Variants in PKIB observed in about 807,000 individuals in gnomAD.
PKIB encodes the protein cAMP-dependent protein kinase inhibitor beta, also known as PKI-beta.
PKIB carries 2 observed loss-of-function variants against 4.5 expected under a neutral mutation model. The observed-to-expected ratio is 0.44, with a 90% confidence interval of 0.18 to 1.39. The LOEUF is 1.39. Among genes scored for constraint, PKIB ranks in the 40% most tolerant of loss-of-function variants. The pLI is 0.27. For missense variants in PKIB, 94 were observed against 92.6 expected, an observed-to-expected ratio of 1.02 and a Z score of -0.06; for synonymous variants, 38 against 36.0, an observed-to-expected ratio of 1.06 and a Z score of -0.20.
intron 3 of PKIB, among the ~76,000 whole-genome samples, chr6:122,705,564 CTTTTT>C (rs142542177): frequency 2.6e-5 from 3 of 113,436 alleles, no homozygotes; most frequent in African/African-American, 3.6e-5. Context: ...GAAAGCGCAT[CTTTTT>C]TTTTTTTTTT....
chr6:122,600,534 G>A (rs1043015187), intron 3 of PKIB, among the ~76,000 whole-genome samples: 12 of 147,804 alleles, frequency 8.1e-5, no homozygotes, highest in Non-Finnish European at 1.5e-4. Context: ...GGAAAACCTC[G>A]TAATTCAAGA....
intron 2 of PKIB, among the ~76,000 whole-genome samples, chr6:122,578,513 CTTTT>C (rs1773613262): frequency 6.6e-6 from 1 of 151,956 alleles, no homozygotes; most frequent in Non-Finnish European, 1.5e-5. Context: ...CCAAAATGTT[CTTTT>C]GTCTTTTCAA....
chr6:122,605,773 C>T (rs918848537), upstream of PKIB, among the ~76,000 whole-genome samples: 1 of 152,146 alleles, frequency 6.6e-6, no homozygotes, highest in African/African-American at 2.4e-5. Flanking sequence ...GTCCCCAAGG[C>T]AGATAGCTAC....
intron 2 of PKIB, among the ~76,000 whole-genome samples, chr6:122,570,441 A>C (rs551658040): frequency 2.8e-4 from 43 of 152,344 alleles, no homozygotes; most frequent in African/African-American, 8.2e-4. Context: ...CTGGATCATC[A>C]AATCAGTAAA....
chr6:122,522,823 G>T (rs544369927), intron 2 of PKIB, among the ~76,000 whole-genome samples: 54 of 152,334 alleles, frequency 3.5e-4, no homozygotes, highest in African/African-American at 1.3e-3. Context: ...CATTGATCTC[G>T]CTGGGAGCTG....
At chr6:122,504,998 C>T (rs777827914) in intron 2 of PKIB, among the ~76,000 whole-genome samples, 1 of 152,152 alleles carries the variant, frequency 6.6e-6, no homozygotes, top group Non-Finnish European at 1.5e-5. Context: ...CTGGTTTCTA[C>T]TTGATTTATT....
chr6:122,677,884 TTCC>T, intron 3 of PKIB, among the ~76,000 whole-genome samples: 1 of 68,698 alleles, frequency 1.5e-5, no homozygotes, highest in African/African-American at 4.6e-5. Flanking sequence ...CCTTCCTTCC[TTCC>T]TTCCTTTCTT....
intron 3 of PKIB, among the ~76,000 whole-genome samples, chr6:122,597,226 C>T (rs980898952): frequency 2.6e-5 from 4 of 152,138 alleles, no homozygotes; most frequent in Non-Finnish European, 5.9e-5. Context: ...AATGGCCCAG[C>T]GCGATATCTT....
chr6:122,530,410 TAGAC>T (rs763777780), intron 2 of PKIB, among the ~76,000 whole-genome samples: 63 of 152,316 alleles, frequency 4.1e-4, no homozygotes, highest in Non-Finnish European at 5.4e-4. Flanking sequence ...AATTCATTTT[TAGAC>T]AGCTCACAGA....
At position 122,568,298 on chromosome 6, in the gene PKIB, G is replaced by A. The variant is rs117872488; in HGVS notation, c.-247-17623G>A. Among the ~76,000 whole-genome samples, 335 of 152,242 alleles carry A rather than the reference G, an allele frequency of 2.2e-3. 8 individuals are homozygous for A. The East Asian group carries it at 0.044, about 20-fold the overall frequency. ...CATAAATTTTTTTCCAAGAACCAGT[G>A]CAGGAATTTACCATAAAATCTGAAA... On this transcript the variant is annotated intron_variant, in intron 2 of 6. Transcript: ENST00000392491.
chr6:122,604,772 A>C (rs896467127), intron 3 of PKIB, among the ~76,000 whole-genome samples: 4 of 152,212 alleles, frequency 2.6e-5, no homozygotes, highest in Non-Finnish European at 4.4e-5. Context: ...ATCAGAACCC[A>C]ACATTTTCTG....
chr6:122,548,052 C>T (rs1365155683), intron 2 of PKIB, among the ~76,000 whole-genome samples: 1 of 152,186 alleles, frequency 6.6e-6, no homozygotes, highest in African/African-American at 2.4e-5. Context: ...TCTACACACA[C>T]CGGCTTTATA....
chr6:122,595,623 T>C (rs1325118541), intron 3 of PKIB, among the ~76,000 whole-genome samples: 6 of 152,154 alleles, frequency 3.9e-5, no homozygotes, highest in Non-Finnish European at 7.3e-5. Context: ...AACTTGCCAC[T>C]AGGTTGCTGG....
intron 4 of PKIB, among the ~76,000 whole-genome samples, chr6:122,719,551 C>T (rs1038404120): frequency 1.2e-4 from 18 of 151,976 alleles, no homozygotes; most frequent in African/African-American, 4.3e-4. Flanking sequence ...TGGTAGCTAC[C>T]AGGAAAATTA....
At chr6:122,577,014 G>T (rs1773562955) in intron 2 of PKIB, among the ~76,000 whole-genome samples, 1 of 151,896 alleles carries the variant, frequency 6.6e-6, no homozygotes. Context: ...ATTAAACATT[G>T]GAACACTTAC....
intron 2 of PKIB, among the ~76,000 whole-genome samples, chr6:122,489,902 T>G (rs1775889339): frequency 6.6e-6 from 1 of 152,224 alleles, no homozygotes; most frequent in South Asian, 2.1e-4. Flanking sequence ...GCAAGTGCTT[T>G]TTGAGATCTA....
intron 2 of PKIB, among the ~76,000 whole-genome samples, chr6:122,582,422 G>A (rs1309289933): frequency 2.0e-5 from 3 of 152,018 alleles, no homozygotes; most frequent in African/African-American, 7.2e-5. Context: ...GATTAGGAAT[G>A]ACTCCAAAGG....
intron 3 of PKIB, among the ~76,000 whole-genome samples, chr6:122,702,616 A>G (rs9388120): frequency 0.99 from 150,309 of 152,136 alleles, 74,273 homozygotes; most frequent in East Asian, 1. Flanking sequence ...CACTGCACCC[A>G]GCCTTAAGGG....
chr6:122,615,519 G>A (rs1774944076), intron 1 of PKIB, among the ~76,000 whole-genome samples: 1 of 152,170 alleles, frequency 6.6e-6, no homozygotes, highest in African/African-American at 2.4e-5. Flanking sequence ...GCAGGTTTAA[G>A]AATGGGGCGA....
Sources: allele counts gnomAD v4.1 joint callset (sites outside exome capture counted in the v4.1 genomes callset), GRCh38; gene constraint gnomAD v4.1.1; transcripts MANE v1.5; gene names NCBI Gene and HGNC (gene_info 2026-07-23, HGNC 2026-07-21).